Variants in ARHGAP25 observed in about 807,000 individuals in gnomAD.
The protein encoded by ARHGAP25 is rho GTPase-activating protein 25.
A neutral mutation model predicts 71.0 loss-of-function variants in ARHGAP25; 34 were observed. That is an observed-to-expected ratio of 0.48 (90% CI 0.36 to 0.64). The LOEUF (loss-of-function observed/expected upper bound fraction) is 0.64, where lower values mean the gene tolerates loss of function less well. Among genes scored for constraint, ARHGAP25 ranks in the 30% least tolerant of loss-of-function variants. The probability of loss-of-function intolerance (pLI) is 0.00; values close to 1 mark genes in which losing one functional copy is unlikely to be tolerated. For synonymous variants in ARHGAP25, 282 were observed against 296.5 expected, an observed-to-expected ratio of 0.95 and a Z score of 0.50; for missense variants, 706 against 805.1, an observed-to-expected ratio of 0.88 and a Z score of 1.49.
At chr2:68,720,006 C>T (rs1011122700) in intron 2 of ARHGAP25, among the ~76,000 whole-genome samples, 4 of 152,150 alleles carry the variant, frequency 2.6e-5, no homozygotes, top group African/African-American at 4.8e-5. Context: ...TTAAAGATTT[C>T]CTTTTGAAAA....
chr2:68,816,526 A>C, intron 7 of ARHGAP25, 164 bp downstream of exon 7: 2 of 635,768 alleles, frequency 3.1e-6, no homozygotes, highest in Non-Finnish European at 5.4e-6. Context: ...GTATAATTTC[A>C]AGGATTCTGA....
chr2:68,770,062 G>GCAGC (rs1677387295), intron 1 of ARHGAP25, among the ~76,000 whole-genome samples: 1 of 152,154 alleles, frequency 6.6e-6, no homozygotes, highest in Admixed American at 6.5e-5. Flanking sequence ...TAAGGAACAG[G>GCAGC]CAGCCTTCTG....
At position 68,734,964 on chromosome 2, in the gene ARHGAP25, G is replaced by A; in HGVS notation, c.-236G>A. The A allele has an allele frequency of 1.7e-6, 1 of 587,618 alleles. No individual in the cohort carries two copies. The allele number at this position is 587,618 out of a possible 1,614,324, so 36.4% of individuals were successfully genotyped here. A position where few individuals can be genotyped will look rare whatever the true frequency, so the allele number is the denominator to read the frequency against. ...TGCTAGCCCCTGTGGGACTGAGGGT[G>A]GAGGCTGGGGGAGTTTGGGTGCCAT... On this transcript the variant is annotated 5_prime_UTR_variant, in exon 1 of 11. Coordinates refer to ENST00000409202, the MANE Select transcript of ARHGAP25 (RefSeq NM_001007231.3).
intron 1 of ARHGAP25, among the ~76,000 whole-genome samples, chr2:68,769,818 T>C (rs997793559): frequency 6.6e-6 from 1 of 152,018 alleles, no homozygotes; most frequent in Non-Finnish European, 1.5e-5. Flanking sequence ...AGGGAGGACA[T>C]TCCAGCAGAG....
chr2:68,775,567 T>C (rs1204972853), intron 2 of ARHGAP25, 147 bp downstream of exon 2: 2 of 1,227,522 alleles, frequency 1.6e-6, no homozygotes, highest in African/African-American at 3.0e-5. Context: ...TTTACACCAT[T>C]TTCTAGATAC....
At chr2:68,797,361 A>G (rs556195415) in intron 4 of ARHGAP25, among the ~76,000 whole-genome samples, 17 of 152,236 alleles carry the variant, frequency 1.1e-4, no homozygotes, top group Non-Finnish European at 2.4e-4. Flanking sequence ...CTTTCGTCTC[A>G]CACCCCAGTC....
intron 4 of ARHGAP25, among the ~76,000 whole-genome samples, chr2:68,801,501 G>T (rs965086253): frequency 1.3e-5 from 2 of 152,232 alleles, no homozygotes; most frequent in South Asian, 2.1e-4. Context: ...TAGTTAAGAT[G>T]AAGACAGAGA....
chr2:68,748,633 A>ATT (rs36110423), intron 1 of ARHGAP25, among the ~76,000 whole-genome samples: 10 of 151,556 alleles, frequency 6.6e-5, no homozygotes, highest in Admixed American at 2.0e-4. Flanking sequence ...AGTCCAAAGC[A>ATT]TTTTTTTTTC....
intron 1 of ARHGAP25, among the ~76,000 whole-genome samples, chr2:68,773,114 AAGGG>A (rs1215587080): frequency 1.3e-5 from 2 of 152,212 alleles, no homozygotes; most frequent in African/African-American, 4.8e-5. Flanking sequence ...TGTGAGGGTC[AAGGG>A]AGCCCAGTTA....
At chr2:68,822,272 C>T in intron 9 of ARHGAP25, 68 bp from the exon 10 acceptor site, 1 of 1,489,488 alleles carries the variant, frequency 6.7e-7, no homozygotes. Flanking sequence ...GTCTCTAATC[C>T]ATACCTTGGG....
At chr2:68,824,703 C>T (rs904084581) in intron 10 of ARHGAP25, among the ~76,000 whole-genome samples, 8 of 152,070 alleles carry the variant, frequency 5.3e-5, no homozygotes, top group African/African-American at 1.9e-4. Flanking sequence ...GATCATGCCA[C>T]TGCACTCCAG....
intron 2 of ARHGAP25, among the ~76,000 whole-genome samples, chr2:68,781,384 C>T (rs772430418): frequency 6.0e-5 from 9 of 151,228 alleles, no homozygotes; most frequent in Non-Finnish European, 1.3e-4. Flanking sequence ...AGCGAGACTC[C>T]GTCTCAAAAA....
At chr2:68,728,971 T>C (rs943352890) in intron 2 of ARHGAP25, among the ~76,000 whole-genome samples, 9 of 152,090 alleles carry the variant, frequency 5.9e-5, no homozygotes, top group African/African-American at 2.2e-4. Context: ...CTTCAAAACA[T>C]GCAAAGGGAA....
intron 2 of ARHGAP25, among the ~76,000 whole-genome samples, chr2:68,776,739 T>A (rs1016439722): frequency 3.3e-5 from 5 of 151,994 alleles, no homozygotes; most frequent in African/African-American, 9.7e-5. Context: ...AGAACTCATG[T>A]GTGTGGAGAT....
At chr2:68,782,996 T>G (rs1678456460) in intron 3 of ARHGAP25, among the ~76,000 whole-genome samples, 1 of 152,252 alleles carries the variant, frequency 6.6e-6, no homozygotes, top group Non-Finnish European at 1.5e-5. Context: ...TGTGTAGCCT[T>G]GCTGCTACTG....
chr2:68,734,329 A>G (rs1020557230), upstream of ARHGAP25, among the ~76,000 whole-genome samples: 5 of 152,230 alleles, frequency 3.3e-5, no homozygotes, highest in Admixed American at 3.3e-4. Context: ...CCCTGTGTAC[A>G]ATGCCAAAGA....
chr2:68,817,617 C>T (rs1681327932), intron 7 of ARHGAP25, among the ~76,000 whole-genome samples: 3 of 152,146 alleles, frequency 2.0e-5, no homozygotes, highest in Admixed American at 2.0e-4. Flanking sequence ...TGGATCTTGC[C>T]TCCTGCTTAT....
chr2:68,819,160 C>A lies in ARHGAP25; in HGVS notation c.1041C>A (p.Ile347=). 1 of 1,591,576 alleles carries A rather than the reference C, an allele frequency of 6.3e-7. No individual in the cohort carries two copies. The highest frequency in any genetic ancestry group is 1.7e-5 in the Admixed American group (1 of 57,224). The stretch of plus-strand genomic sequence containing the variant: ...TCCAAAGAGTGATGACTATGATGAT[C>A]AGAGACCATGAAGTCCTCTTCCCCA... ...PQIQRVMTMM[I]RDHEVLFPKS... The change falls in exon 9 of 11, where the codon ATC becomes ATA. Residue 347 remains isoleucine, a synonymous_variant. Transcript: ENST00000409202.
At chr2:68,809,608 A>G (rs1412612951) in intron 5 of ARHGAP25, among the ~76,000 whole-genome samples, 1 of 152,078 alleles carries the variant, frequency 6.6e-6, no homozygotes, top group Non-Finnish European at 1.5e-5. Flanking sequence ...CAGAGTCAAG[A>G]GCAGACCAGG....
Sources: gnomAD v4.1 joint callset for allele counts (sites outside exome capture counted in the v4.1 genomes callset) on GRCh38, gnomAD v4.1.1 for gene constraint, MANE v1.5 for transcripts, NCBI Gene and HGNC (gene_info 2026-07-23, HGNC 2026-07-21) for gene names.